Variants in NKAIN3 observed in about 807,000 individuals in gnomAD.
NKAIN3 encodes sodium/potassium transporting ATPase interacting 3.
Under a neutral mutation model 30.2 loss-of-function variants are expected in NKAIN3, and 25 were observed. The observed-to-expected ratio is 0.83, with a 90% confidence interval of 0.60 to 1.16. The LOEUF is 1.16. Ranked by LOEUF, NKAIN3 falls within the 50% of genes most tolerant of loss-of-function variation. The probability of loss-of-function intolerance (pLI) is 0.00; values close to 1 mark genes in which losing one functional copy is unlikely to be tolerated. For missense variants in NKAIN3, 225 were observed against 254.1 expected (o/e 0.89, Z 0.78); for synonymous variants, 91 against 89.6 (o/e 1.02, Z -0.09).
intron 4 of NKAIN3, among the ~76,000 whole-genome samples, chr8:62,850,217 A>AT (rs1819848367): frequency 6.6e-6 from 1 of 151,962 alleles, no homozygotes; most frequent in East Asian, 1.9e-4. Context: ...GATGATGAGC[A>AT]TTTTTTCATG....
chr8:62,960,457 T>C lies in NKAIN3; in HGVS notation c.604-4897T>C, dbSNP rs183663584. Among the ~76,000 whole-genome samples the C allele has an allele frequency of 5.3e-5, 8 of 151,946 alleles. No homozygotes were observed. In the East Asian group the frequency reaches 1.5e-3, roughly 29 times the overall value. On this transcript the variant is annotated intron_variant, in intron 6 of 6. Coordinates refer to ENST00000623646, the MANE Select transcript of NKAIN3 (RefSeq NM_001304533.3). Reference sequence around the variant, plus strand: ...GCTGGGTATTTGCCATTGATTTCAATGGCAAGAAAATAGATTTATGCAGTG... The same window carrying C: ...GCTGGGTATTTGCCATTGATTTCAACGGCAAGAAAATAGATTTATGCAGTG...
chr8:62,471,302 T>C (rs1440413501), intron 1 of NKAIN3, among the ~76,000 whole-genome samples: 3 of 151,642 alleles, frequency 2.0e-5, no homozygotes, highest in Non-Finnish European at 4.4e-5. Context: ...AATTTACTTC[T>C]CTAAAAAAAA....
chr8:62,469,562 C>G (rs1239837973), intron 1 of NKAIN3, among the ~76,000 whole-genome samples: 1 of 152,134 alleles, frequency 6.6e-6, no homozygotes, highest in African/African-American at 2.4e-5. Context: ...CCCAATAAGA[C>G]CTCTAGATTG....
At chr8:62,330,049 G>A (rs2129589923) in intron 1 of NKAIN3, among the ~76,000 whole-genome samples, 1 of 152,108 alleles carries the variant, frequency 6.6e-6, no homozygotes, top group South Asian at 2.1e-4. Flanking sequence ...CCAAATGAAT[G>A]AAAGATTCTT....
At chr8:62,359,203 C>A (rs563328342) in intron 1 of NKAIN3, among the ~76,000 whole-genome samples, 1 of 152,138 alleles carries the variant, frequency 6.6e-6, no homozygotes, top group Non-Finnish European at 1.5e-5. Context: ...ATTACTAGTT[C>A]CCATCTACTT....
chr8:62,906,100 T>A (rs1023657623), intron 4 of NKAIN3, among the ~76,000 whole-genome samples: 1 of 152,112 alleles, frequency 6.6e-6, no homozygotes, highest in Non-Finnish European at 1.5e-5. Flanking sequence ...TGTGCGAGCA[T>A]CCATCAAGGC....
intron 1 of NKAIN3, among the ~76,000 whole-genome samples, chr8:62,546,705 C>T (rs183019464): frequency 9.2e-5 from 14 of 152,114 alleles, no homozygotes; most frequent in African/African-American, 3.4e-4. Flanking sequence ...TCTGGAATGC[C>T]TCTGGATAAA....
At chr8:62,288,647 G>A (rs528808257) in intron 1 of NKAIN3, among the ~76,000 whole-genome samples, 3 of 152,250 alleles carry the variant, frequency 2.0e-5, no homozygotes, top group African/African-American at 7.2e-5. Context: ...ATCATTGATG[G>A]ACATTTGGGA....
At chr8:62,518,514 G>GGAT (rs1407603482) in intron 1 of NKAIN3, among the ~76,000 whole-genome samples, 2 of 151,998 alleles carry the variant, frequency 1.3e-5, no homozygotes, top group Non-Finnish European at 2.9e-5. Context: ...ATATCAAATA[G>GGAT]GATAATGCAT....
intron 1 of NKAIN3, among the ~76,000 whole-genome samples, chr8:62,259,369 A>C (rs1380245828): frequency 6.6e-6 from 1 of 152,164 alleles, no homozygotes; most frequent in Non-Finnish European, 1.5e-5. Context: ...TATTTGGCAA[A>C]TACTTGATAA....
intron 1 of NKAIN3, among the ~76,000 whole-genome samples, chr8:62,511,275 T>C (rs1386736825): frequency 6.6e-6 from 1 of 152,168 alleles, no homozygotes; most frequent in Non-Finnish European, 1.5e-5. Flanking sequence ...CGGGGTTCCC[T>C]GTGCCCTCCC....
chr8:62,874,743 A>G (rs1345987341), intron 4 of NKAIN3, among the ~76,000 whole-genome samples: 2 of 152,216 alleles, frequency 1.3e-5, no homozygotes, highest in African/African-American at 4.8e-5. Flanking sequence ...AGATGCAGAA[A>G]AGGCCTTTGA....
At chr8:62,403,904 A>T (rs1304516487) in intron 1 of NKAIN3, among the ~76,000 whole-genome samples, 1 of 152,202 alleles carries the variant, frequency 6.6e-6, no homozygotes, top group Non-Finnish European at 1.5e-5. Context: ...CAGACACTCA[A>T]TGCCAGCCCA....
chr8:62,586,975 G>T lies in NKAIN3; in HGVS notation c.193-2739G>T, dbSNP rs572642126. Reference sequence around the variant, plus strand: ...ATACCTAAATACATGATGTAAGCCTGCTTTATAATAACCAAAGGGTATTTG... The same window carrying T: ...ATACCTAAATACATGATGTAAGCCTTCTTTATAATAACCAAAGGGTATTTG... On this transcript the variant is annotated intron_variant, in intron 2 of 6. Coordinates refer to ENST00000623646, the MANE Select transcript of NKAIN3 (RefSeq NM_001304533.3). Among the ~76,000 whole-genome samples, 33 of 152,012 alleles carry T rather than the reference G, an allele frequency of 2.2e-4. No individual in the cohort carries two copies. The Middle Eastern group carries it at 0.01, about 47-fold the overall frequency.
At chr8:62,777,670 G>A (rs892837982) in intron 4 of NKAIN3, among the ~76,000 whole-genome samples, 8 of 152,180 alleles carry the variant, frequency 5.3e-5, no homozygotes, top group East Asian at 1.9e-4. Context: ...GGTTACATAC[G>A]TCTGTCTCTC....
intron 4 of NKAIN3, among the ~76,000 whole-genome samples, chr8:62,896,789 T>C (rs1021049374): frequency 6.6e-6 from 1 of 152,104 alleles, no homozygotes; most frequent in Non-Finnish European, 1.5e-5. Context: ...ATGTCAACAC[T>C]ATGTGAATTT....
At chr8:62,605,108 G>A (rs1437605115) in intron 3 of NKAIN3, among the ~76,000 whole-genome samples, 1 of 152,108 alleles carries the variant, frequency 6.6e-6, no homozygotes, top group Non-Finnish European at 1.5e-5. Flanking sequence ...ATTAGAAGCT[G>A]ACCCAAACTT....
chr8:62,771,947 G>A (rs1384736619), intron 4 of NKAIN3, among the ~76,000 whole-genome samples: 2 of 151,960 alleles, frequency 1.3e-5, no homozygotes, highest in Non-Finnish European at 2.9e-5. Context: ...ATTTTAAAAT[G>A]TAGAGTAAAT....
intron 4 of NKAIN3, among the ~76,000 whole-genome samples, chr8:62,887,118 A>G (rs1283619316): frequency 1.3e-5 from 2 of 152,196 alleles, no homozygotes; most frequent in Non-Finnish European, 2.9e-5. Context: ...TAGTGCTGCA[A>G]TAAACATATG....
Sources: gnomAD v4.1 joint callset for allele counts (sites outside exome capture counted in the v4.1 genomes callset) on GRCh38, gnomAD v4.1.1 for gene constraint, MANE v1.5 for transcripts, NCBI Gene and HGNC (gene_info 2026-07-23, HGNC 2026-07-21) for gene names.